THSD7A: variants seen among roughly 807,000 people sequenced by gnomAD.
THSD7A encodes thrombospondin type 1 domain containing 7A, also known as thrombospondin type-1 domain-containing protein 7A.
In THSD7A, 96 loss-of-function variants were observed where a neutral mutation model predicts 231.3. That is an observed-to-expected ratio of 0.41 (90% confidence interval 0.35 to 0.49). The LOEUF (loss-of-function observed/expected upper bound fraction) is 0.49, where lower values mean the gene tolerates loss of function less well. Among genes scored for constraint, THSD7A ranks in the 20% least tolerant of loss-of-function variants. The pLI, the probability that THSD7A is intolerant of heterozygous loss-of-function variation, is 0.05. For missense variants in THSD7A, 2,290 were observed against 2,070.2 expected, an observed-to-expected ratio of 1.11 and a Z score of -2.06; for synonymous variants, 940 against 743.3, an observed-to-expected ratio of 1.26 and a Z score of -4.30.
chr7:11,643,607 A>ACG (rs1462852974), intron 1 of THSD7A, among the ~76,000 whole-genome samples: 3 of 151,304 alleles, frequency 2.0e-5, no homozygotes, highest in Non-Finnish European at 4.4e-5. Context: ...ACGCGCGCAC[A>ACG]CACACACACA....
rs1785210963 is a variant in THSD7A, at chr7:11,831,930, C to G, written c.17G>C (p.Arg6Thr). The stretch of plus-strand genomic sequence containing the variant: ...GCCCCGGCTCCCGGACGCCCAGCGC[C>G]TGGCTTGCAGCCCCATGCCGCCTGC... MGLQA[R>T]RWASGSRGAA... Residue 6 changes from arginine (R) to threonine (T), a missense_variant, in exon 1 of 28, where the codon AGG becomes ACG. Arg to Thr is a moderately conservative substitution (Grantham distance 71). Coordinates refer to ENST00000423059, the MANE Select transcript of THSD7A (RefSeq NM_015204.3). This position sits in a 1 kb window ranked among gnomAD's most constrained non-coding sequence, Gnocchi z 5.0. 2 of 1,235,588 alleles carry G rather than the reference C, an allele frequency of 1.6e-6. No homozygotes were observed. The highest frequency in any genetic ancestry group is 2.0e-6 in the Non-Finnish European group (2 of 992,750). 76.5% of individuals were successfully genotyped at this position (1,235,588 alleles called of 1,614,324 possible).
At chr7:11,620,890 C>G (rs1333171575) in intron 2 of THSD7A, among the ~76,000 whole-genome samples, 1 of 152,196 alleles carries the variant, frequency 6.6e-6, no homozygotes, top group Non-Finnish European at 1.5e-5. Context: ...CTATTCAGCT[C>G]TATCCATAGC....
intron 23 of THSD7A, among the ~76,000 whole-genome samples, chr7:11,389,306 A>C (rs1347753404): frequency 6.6e-6 from 1 of 151,546 alleles, no homozygotes; most frequent in African/African-American, 2.4e-5. Context: ...TATTTAAGAC[A>C]GTTAGCTGTT....
chr7:11,655,553 T>C lies in THSD7A; in HGVS notation c.191-18592A>G, dbSNP rs140722267. The stretch of plus-strand genomic sequence containing the variant: ...CCTAATAAGACTCTTGTCTTAACAT[T>C]AGACATGTAGCTTTTCTGGGGCACT... On this transcript the variant is annotated intron_variant, in intron 1 of 27. Coordinates refer to ENST00000423059, the MANE Select transcript of THSD7A (RefSeq NM_015204.3). Among the ~76,000 whole-genome samples, 235 of 152,038 alleles carry C rather than the reference T, an allele frequency of 1.5e-3. 2 individuals carry two copies. The highest frequency in any genetic ancestry group is 6.8e-3 in the Middle Eastern group (2 of 294).
At position 11,590,664 on chromosome 7, in the gene THSD7A, G is replaced by A; in HGVS notation, c.1272-23C>T. ...TACCTAAATAAAGACAACACCACCA[G>A]CAGCAACCATAATTATTGAATGACG... is the stretch of plus-strand genomic sequence containing the variant. On this transcript the variant is annotated intron_variant, in intron 3 of 27. Transcript: ENST00000423059. The surrounding 1 kb of genome is among the most constrained non-coding windows in gnomAD (Gnocchi z 4.4). 1 of 1,575,232 alleles carries A rather than the reference G, an allele frequency of 6.3e-7. No homozygotes were observed. The highest frequency in any genetic ancestry group is 8.6e-7 in the Non-Finnish European group (1 of 1,160,944).
chr7:11,549,064 C>A lies in THSD7A; in HGVS notation c.1454-5947G>T, dbSNP rs140512046. Among the ~76,000 whole-genome samples the A allele has an allele frequency of 3.2e-3, 481 of 151,982 alleles. 11 individuals carry two copies. In the East Asian group the frequency reaches 0.053, roughly 17 times the overall value. ...GAACTTAAATTTAAAAGAAAAAAAA[C>A]CCCATTAAAAAGTGGGAAAGGGCAT... On this transcript the variant is annotated intron_variant, in intron 4 of 27. Transcript: ENST00000423059.
rs974518101 is a variant in THSD7A, at chr7:11,444,354, T to C, written c.3064+1707A>G. Among the ~76,000 whole-genome samples the C allele has an allele frequency of 3.3e-5, 5 of 152,132 alleles. No individual in the cohort carries two copies. Among genetic ancestry groups the C allele is most frequent in the Non-Finnish European group, 7.4e-5 (5 of 68,022 alleles). On this transcript the variant is annotated intron_variant, in intron 13 of 27. Transcript: ENST00000423059. The surrounding 1 kb of genome is among the most constrained non-coding windows in gnomAD (Gnocchi z 4.2). ...TACTATAAAGACACATGCACACGTA[T>C]GTTTACTGTGGCACTGTTCACAATA...
chr7:11,698,540 G>T (rs1226499859), intron 1 of THSD7A, among the ~76,000 whole-genome samples: 1 of 151,336 alleles, frequency 6.6e-6, no homozygotes, highest in East Asian at 2.0e-4. Context: ...CCCCAACTGG[G>T]CCTACAGAAG....
chr7:11,676,420 A>C (rs1783640198), intron 1 of THSD7A, among the ~76,000 whole-genome samples: 1 of 152,176 alleles, frequency 6.6e-6, no homozygotes. Context: ...AATGAGTTTG[A>C]CTAATAGACA....
intron 1 of THSD7A, chr7:11,820,680 T>TC: frequency 1.2e-6 from 1 of 842,834 alleles, no homozygotes; most frequent in Non-Finnish European, 2.1e-6. Flanking sequence ...AAGACTTTAG[T>TC]CCCCAGTCTC....
At position 11,406,165 on chromosome 7, in the gene THSD7A, T is replaced by G; in HGVS notation, c.4237+135A>C. 4 of 899,442 alleles carry G rather than the reference T, an allele frequency of 4.4e-6. No individual in the cohort carries two copies. Among genetic ancestry groups the G allele is most frequent in the Non-Finnish European group, 6.6e-6 (4 of 609,304 alleles). The allele number at this position is 899,442 out of a possible 1,614,324, so 55.7% of individuals were successfully genotyped here. Reference sequence around the variant, plus strand: ...GTCCCGTTCCCCACAGGCATAGTGTTGAGCTGTTGGCATAGATATTACTGA... The same window carrying G: ...GTCCCGTTCCCCACAGGCATAGTGTGGAGCTGTTGGCATAGATATTACTGA... On this transcript the variant is annotated intron_variant, in intron 22 of 27. Coordinates refer to ENST00000423059, the MANE Select transcript of THSD7A (RefSeq NM_015204.3). The surrounding 1 kb of genome is among the most constrained non-coding windows in gnomAD (Gnocchi z 4.7).
chr7:11,636,527 T>TCTTGGAGCATTCGGA lies in THSD7A; in HGVS notation c.610_624dup (p.Ser204_Lys208dup). ...CGGTGCTGGAGCCCGCTGCCGCAGG[T>TCTTGGAGCATTCGGA]CTTGGAGCATTCGGACCAGGCAGAA... On this transcript the variant is annotated inframe_insertion, in exon 2 of 28. Coordinates refer to ENST00000423059, the MANE Select transcript of THSD7A (RefSeq NM_015204.3). This position sits in a 1 kb window ranked among gnomAD's most constrained non-coding sequence, Gnocchi z 10.0. The TCTTGGAGCATTCGGA allele has an allele frequency of 6.2e-7, 1 of 1,613,924 alleles. No individual in the cohort carries two copies. Among genetic ancestry groups the TCTTGGAGCATTCGGA allele is most frequent in the Non-Finnish European group, 8.5e-7 (1 of 1,179,874 alleles).
At chr7:11,379,388 T>A in intron 25 of THSD7A, 108 bp from the exon 26 acceptor site, 1 of 1,060,470 alleles carries the variant, frequency 9.4e-7, no homozygotes, top group Non-Finnish European at 1.4e-6. Context: ...TGGGAATTAC[T>A]ATACATAATT....
chr7:11,447,785 G>A (rs942348507), intron 11 of THSD7A, among the ~76,000 whole-genome samples: 2 of 152,082 alleles, frequency 1.3e-5, no homozygotes, highest in Non-Finnish European at 2.9e-5. Flanking sequence ...TCTGATAATA[G>A]CTTATGTTGA....
chr7:11,747,319 C>CT (rs1226830983), intron 1 of THSD7A, among the ~76,000 whole-genome samples: 12 of 151,914 alleles, frequency 7.9e-5, no homozygotes, highest in Admixed American at 3.3e-4. Flanking sequence ...AAGAGGTGCA[C>CT]TTGGCCTGCT....
At chr7:11,464,836 G>T (rs922042921) in intron 9 of THSD7A, among the ~76,000 whole-genome samples, 3 of 152,268 alleles carry the variant, frequency 2.0e-5, no homozygotes, top group South Asian at 4.1e-4. Flanking sequence ...TTTACCCATT[G>T]GCAGGTCTGT....
At chr7:11,480,620 T>G (rs1233966973) in intron 7 of THSD7A, among the ~76,000 whole-genome samples, 1 of 152,132 alleles carries the variant, frequency 6.6e-6, no homozygotes, top group East Asian at 1.9e-4. Context: ...TAGGAAAAAG[T>G]TTTTGAACAC....
At chr7:11,786,577 G>GAT (rs1401617686) in intron 1 of THSD7A, among the ~76,000 whole-genome samples, 1 of 147,034 alleles carries the variant, frequency 6.8e-6, no homozygotes, top group Non-Finnish European at 1.5e-5. Context: ...TTGAGACTTT[G>GAT]ATATATATAT....
At chr7:11,805,795 C>T (rs1008759688) in intron 1 of THSD7A, among the ~76,000 whole-genome samples, 66 of 152,190 alleles carry the variant, frequency 4.3e-4, no homozygotes, top group African/African-American at 1.5e-3. Context: ...TAGTTACTTA[C>T]ATTCAACATT....
Sources: gnomAD v4.1 joint callset for allele counts (sites outside exome capture counted in the v4.1 genomes callset) on GRCh38, gnomAD v4.1.1 for gene constraint, Gnocchi (gnomAD v3.1) non-coding constraint, MANE v1.5 for transcripts, NCBI Gene and HGNC (gene_info 2026-07-23, HGNC 2026-07-21) for gene names.